Variants in RB1 observed in about 807,000 individuals in gnomAD.
The protein encoded by RB1 is retinoblastoma-associated protein.
A neutral mutation model predicts 135.4 loss-of-function variants in RB1; 18 were observed. The observed-to-expected ratio is 0.13, with a 90% CI of 0.09 to 0.20. RB1 has a LOEUF of 0.20. RB1 is among the 10% of genes least tolerant of loss of function. RB1 has a pLI of 1.00. For missense variants in RB1, 868 were observed against 1,110.0 expected (o/e 0.78, Z 3.10); for synonymous variants, 365 against 373.2 (o/e 0.98, Z 0.25).
chr13:48,356,770 A>T (rs1047238050), intron 6 of RB1, among the ~76,000 whole-genome samples: 6 of 151,880 alleles, frequency 4.0e-5, no homozygotes, highest in Non-Finnish European at 8.8e-5. Context: ...ATTTTTATTC[A>T]TCTCTTAGCT....
At chr13:48,432,380 A>AT (rs1949139110) in intron 17 of RB1, among the ~76,000 whole-genome samples, 1 of 148,578 alleles carries the variant, frequency 6.7e-6, no homozygotes, top group African/African-American at 2.5e-5. Context: ...TCTGATTCTT[A>AT]TTTTTCATGG....
At chr13:48,318,863 CA>C in intron 2 of RB1, 3 of 1,115,750 alleles carry the variant, frequency 2.7e-6, no homozygotes, top group Non-Finnish European at 4.0e-6. Context: ...CCTTGAGGGT[CA>C]AAACGTCTGG....
intron 1 of RB1, among the ~76,000 whole-genome samples, chr13:48,305,736 G>A (rs1265420968): frequency 6.6e-6 from 1 of 152,134 alleles, no homozygotes; most frequent in Non-Finnish European, 1.5e-5. Context: ...ATAGACAGTT[G>A]AACTCTATAA....
intron 9 of RB1, among the ~76,000 whole-genome samples, chr13:48,365,991 A>G (rs572509803): frequency 6.6e-6 from 1 of 152,316 alleles, no homozygotes; most frequent in East Asian, 1.9e-4. Flanking sequence ...AATCTGAGTA[A>G]GCATTACAGA....
rs150608198 is a variant in RB1, at chr13:48,345,581, T to C, written c.500+382T>C. On this transcript the variant is annotated intron_variant, in intron 4 of 26. Coordinates refer to ENST00000267163, the MANE Select transcript of RB1 (RefSeq NM_000321.3). The stretch of plus-strand genomic sequence containing the variant: ...AAACACTTGCAATGGATGGTGTATG[T>C]GACCTATACTATAAAGTAATGATTT... 4.1e-4 allele frequency among the ~76,000 whole-genome samples: 62 copies of C among 152,322 alleles called. No individual in the cohort carries two copies. In the Middle Eastern group the frequency reaches 0.01, roughly 25 times the overall value.
chr13:48,317,184 C>A, intron 2 of RB1: 2 of 578,802 alleles, frequency 3.5e-6, no homozygotes, highest in East Asian at 4.3e-5. Flanking sequence ...TGGAGGCAGC[C>A]CCATGTCGGG....
chr13:48,397,873 C>A (rs758307581), intron 17 of RB1, among the ~76,000 whole-genome samples: 3 of 152,112 alleles, frequency 2.0e-5, no homozygotes, highest in South Asian at 4.1e-4. Flanking sequence ...TCTGAAAAAA[C>A]CAAAAAGGAT....
intron 17 of RB1, among the ~76,000 whole-genome samples, chr13:48,452,512 T>G (rs1461152277): frequency 6.6e-6 from 1 of 152,100 alleles, no homozygotes; most frequent in Non-Finnish European, 1.5e-5. Context: ...CCTATTATCT[T>G]TTTAATCTTT....
intron 17 of RB1, chr13:48,412,176 G>A (rs1218610670): frequency 1.2e-6 from 2 of 1,613,960 alleles, no homozygotes; most frequent in South Asian, 1.1e-5. Flanking sequence ...ATCTCCAAAT[G>A]GCCAATTCCG....
intron 2 of RB1, chr13:48,328,372 T>C: frequency 6.5e-7 from 1 of 1,540,828 alleles, no homozygotes; most frequent in Non-Finnish European, 9.0e-7. Flanking sequence ...GGTGATGCTT[T>C]CTTTGTCGTC....
At chr13:48,322,973 G>A (rs533510480) in intron 2 of RB1, among the ~76,000 whole-genome samples, 1 of 151,860 alleles carries the variant, frequency 6.6e-6, no homozygotes, top group South Asian at 2.1e-4. Context: ...TTGGTCTTTA[G>A]TTTTTTTCCT....
chr13:48,411,573 C>A (rs1230029466), intron 17 of RB1: 2 of 1,613,572 alleles, frequency 1.2e-6, no homozygotes, highest in African/African-American at 2.7e-5. Flanking sequence ...GTCAAAACAA[C>A]AGTTGGAAAC....
chr13:48,333,836 A>G (rs1952359032), intron 2 of RB1, among the ~76,000 whole-genome samples: 1 of 151,846 alleles, frequency 6.6e-6, no homozygotes, highest in African/African-American at 2.4e-5. Context: ...TGGACACTAC[A>G]AGGCTCTTGG....
chr13:48,350,951 T>C (rs1952541932), intron 6 of RB1, among the ~76,000 whole-genome samples: 2 of 152,208 alleles, frequency 1.3e-5, no homozygotes, highest in African/African-American at 4.8e-5. Flanking sequence ...ATGGTATATA[T>C]GTACCACATT....
At chr13:48,396,483 T>A (rs866941672) in intron 17 of RB1, among the ~76,000 whole-genome samples, 1 of 152,132 alleles carries the variant, frequency 6.6e-6, no homozygotes, top group South Asian at 2.1e-4. Context: ...TTACACCTTA[T>A]ACAAAAATTA....
intron 17 of RB1, among the ~76,000 whole-genome samples, chr13:48,446,509 C>T (rs1207475371): frequency 6.6e-6 from 1 of 152,068 alleles, no homozygotes; most frequent in Non-Finnish European, 1.5e-5. Flanking sequence ...ATAACATAAC[C>T]TCAAGTGGTG....
chr13:48,414,856 G>T (rs992206027), intron 17 of RB1, among the ~76,000 whole-genome samples: 2 of 152,078 alleles, frequency 1.3e-5, no homozygotes, highest in Admixed American at 1.3e-4. Flanking sequence ...ATCACATTTG[G>T]TATAGAAAAG....
rs2138028049 is a variant in RB1, at chr13:48,304,044, C to T, written c.132C>T (p.Leu44=). ...EQDSGPEDLP[L]VRLEFEETEE... ...ACAGCGGCCCGGAGGACCTGCCTCT[C>T]GTCAGGTGAGCGAGCAGAGCCGCCG... Residue 44 remains leucine, a synonymous_variant, in exon 1 of 27, where the codon CTC becomes CTT. Coordinates refer to ENST00000267163, the MANE Select transcript of RB1 (RefSeq NM_000321.3). The T allele has an allele frequency of 6.9e-7, 1 of 1,448,384 alleles. No homozygotes were observed. The highest frequency in any genetic ancestry group is 9.0e-7 in the Non-Finnish European group (1 of 1,109,042). The allele number at this position is 1,448,384 out of a possible 1,614,324, so 89.7% of individuals were successfully genotyped here.
At chr13:48,474,402 G>A (rs904968462) in intron 24 of RB1, among the ~76,000 whole-genome samples, 2 of 151,940 alleles carry the variant, frequency 1.3e-5, no homozygotes, top group Non-Finnish European at 2.9e-5. Flanking sequence ...AAATTCGAAG[G>A]GTTTTAGGAG....
Sources: gnomAD v4.1 joint callset for allele counts (sites outside exome capture counted in the v4.1 genomes callset) on GRCh38, gnomAD v4.1.1 for gene constraint, MANE v1.5 for transcripts, NCBI Gene and HGNC (gene_info 2026-07-23, HGNC 2026-07-21) for gene names.